The following DDX25 variants were observed in gnomAD, a reference collection of about 807,000 sequenced individuals.
The protein encoded by DDX25 is DEAD-box helicase 25, also known as ATP-dependent RNA helicase DDX25.
A neutral mutation model predicts 64.6 loss-of-function variants in DDX25; 70 were observed. That is an observed-to-expected ratio of 1.08 (90% CI 0.89 to 1.32). The LOEUF (loss-of-function observed/expected upper bound fraction) is 1.32. DDX25 is among the 40% of genes most tolerant of loss of function. The probability of loss-of-function intolerance (pLI) is 0.00; values close to 1 mark genes in which losing one functional copy is unlikely to be tolerated. For synonymous variants in DDX25, 211 were observed against 213.3 expected (o/e 0.99, Z 0.09); for missense variants, 587 against 604.4 (o/e 0.97, Z 0.30).
chr11:125,912,611 A>T (rs1359502141), intron 8 of DDX25, among the ~76,000 whole-genome samples: 1 of 152,172 alleles, frequency 6.6e-6, no homozygotes, highest in Admixed American at 6.5e-5. Flanking sequence ...TACAAGCACA[A>T]TTTTTTCCAA....
chr11:125,918,975 C>T (rs976112419), intron 10 of DDX25, among the ~76,000 whole-genome samples, 185 bp downstream of exon 10: 1 of 152,180 alleles, frequency 6.6e-6, no homozygotes, highest in African/African-American at 2.4e-5. Flanking sequence ...CCCTTTCCAT[C>T]CCATGGCCCC....
chr11:125,904,298 GCCCTCCGCCCCGCTCTC>G, upstream of DDX25: 1 of 371,186 alleles, frequency 2.7e-6, no homozygotes, highest in Non-Finnish European at 4.8e-6. Context: ...CCCGCTCTCT[GCCCTCCGCCCCGCTCTC>G]TGCCCCCCGC....
intron 4 of DDX25, among the ~76,000 whole-genome samples, chr11:125,906,840 A>AAG (rs71048755): frequency 6.6e-6 from 1 of 150,780 alleles, no homozygotes; most frequent in African/African-American, 2.4e-5. Flanking sequence ...AAAAAAAAAA[A>AAG]GGATATTCTA....
chr11:125,922,974 G>T lies in DDX25; in HGVS notation c.*93G>T. The T allele has an allele frequency of 8.6e-7, 1 of 1,159,144 alleles. No homozygotes were observed. The highest frequency in any genetic ancestry group is 1.6e-5 in the South Asian group (1 of 61,180). 71.8% of individuals were successfully genotyped at this position (1,159,144 alleles called of 1,614,324 possible). A position where few individuals can be genotyped will look rare whatever the true frequency, so the allele number is the denominator to read the frequency against. On this transcript the variant is annotated 3_prime_UTR_variant, in exon 12 of 12. Transcript: ENST00000263576. ...AATTTTTTTATGTTGAGGCTTTTTC[G>T]ACGTGAAACTGTCACAGATGGCAAA... is the stretch of plus-strand genomic sequence containing the variant.
At position 125,904,577 on chromosome 11, in the gene DDX25, C is replaced by G; in HGVS notation, c.60C>G (p.Ser20Arg). The G allele has an allele frequency of 6.7e-7, 1 of 1,488,004 alleles. No individual in the cohort carries two copies. The allele number at this position is 1,488,004 out of a possible 1,614,324, so 92.2% of individuals were successfully genotyped here. Residue 20 changes from serine to arginine, a missense_variant, in exon 1 of 12, where the codon AGC becomes AGG. Ser to Arg is a moderately radical substitution (Grantham distance 110). Transcript: ENST00000263576. ...CGGCGGAGAGCGAGCGGCTGAACAGCCACGTAACCGCCACCGAGCCGGGGG... is the reference window on the plus strand; with the variant it reads ...CGGCGGAGAGCGAGCGGCTGAACAGGCACGTAACCGCCACCGAGCCGGGGG... ...AGAAESERLNSHFSNLSQPRK... is the reference protein window; with the variant it reads ...AGAAESERLNRHFSNLSQPRK...
intron 10 of DDX25, among the ~76,000 whole-genome samples, chr11:125,919,728 C>T (rs1177863329): frequency 6.6e-6 from 1 of 151,958 alleles, no homozygotes; most frequent in Non-Finnish European, 1.5e-5. Context: ...GAAAGGTATC[C>T]TGAAAAAAGG....
Position 125,923,029 on chromosome 11 carries a change from A to T in DDX25, c.*148A>T. 1.5e-6 allele frequency: 1 copy of T among 683,232 alleles called. No homozygotes were observed. The highest frequency in any genetic ancestry group is 2.4e-6 in the Non-Finnish European group (1 of 419,076). 42.3% of individuals were successfully genotyped at this position (683,232 alleles called of 1,614,324 possible). Reference sequence around the variant, plus strand: ...ATGTCACGGTACTTAGTTTTAAGACATGAGGTCTTTTTGAAGCCAAATTGA... The same window carrying T: ...ATGTCACGGTACTTAGTTTTAAGACTTGAGGTCTTTTTGAAGCCAAATTGA... On this transcript the variant is annotated 3_prime_UTR_variant, in exon 12 of 12. Transcript: ENST00000263576.
upstream of DDX25, among the ~76,000 whole-genome samples, chr11:125,903,812 A>G (rs1269344736): frequency 6.6e-6 from 1 of 152,158 alleles, no homozygotes; most frequent in African/African-American, 2.4e-5. Context: ...TTAAATCATT[A>G]GTACCAGGGA....
chr11:125,911,943 A>G (rs1049054799), intron 8 of DDX25, among the ~76,000 whole-genome samples: 1 of 152,190 alleles, frequency 6.6e-6, no homozygotes, highest in African/African-American at 2.4e-5. Context: ...AGGCCTCTCT[A>G]TCAGGATCAC....
intron 8 of DDX25, among the ~76,000 whole-genome samples, chr11:125,913,406 A>C (rs554509343): frequency 6.6e-6 from 1 of 152,244 alleles, no homozygotes; most frequent in South Asian, 2.1e-4. Context: ...CAGCCCTTAC[A>C]TGTCTGAAGA....
At position 125,925,230 on chromosome 11, in the gene DDX25, A is replaced by C. The variant is rs1413721009; in HGVS notation, c.*2349A>C. The C allele has an allele frequency of 2.8e-6, 1 of 353,574 alleles. No homozygotes were observed. Among genetic ancestry groups the C allele is most frequent in the African/African-American group, 2.1e-5 (1 of 46,868 alleles). The allele number at this position is 353,574 out of a possible 1,614,324, so 21.9% of individuals were successfully genotyped here. On this transcript the variant is annotated 3_prime_UTR_variant, in exon 12 of 12. Transcript: ENST00000263576. Reference sequence around the variant, plus strand: ...TTCCTTTACAGTTCAAATCTCTGGTAAGATCTCCGCCAGTTACCCTCACAA... The same window carrying C: ...TTCCTTTACAGTTCAAATCTCTGGTCAGATCTCCGCCAGTTACCCTCACAA...
chr11:125,920,202 C>T (rs1278071582), intron 10 of DDX25, among the ~76,000 whole-genome samples: 7 of 152,102 alleles, frequency 4.6e-5, no homozygotes, highest in East Asian at 1.9e-4. Context: ...TTTGGGAGGC[C>T]GAGGCGGGTG....
At chr11:125,906,051 CTT>C in intron 3 of DDX25, 21 bp from the exon 4 acceptor site, 1 of 1,529,338 alleles carries the variant, frequency 6.5e-7, no homozygotes, top group East Asian at 2.5e-5. Flanking sequence ...TTGATGTCCT[CTT>C]TTTTATTTTT....
rs499519 is a variant in DDX25, at chr11:125,923,794, G to A, written c.*913G>A. On this transcript the variant is annotated 3_prime_UTR_variant, in exon 12 of 12. Transcript: ENST00000263576. ...GGAGAGTCCCCCAGAAAGCCGGAGC[G>A]GATCTTGTAACCAGAGCGCCGGTAC... The A allele has an allele frequency of 0.18, 27,407 of 152,054 alleles. 2,643 individuals are homozygous for A. Among genetic ancestry groups the A allele is most frequent in the Admixed American group, 0.26 (4,032 of 15,296 alleles). The allele number at this position is 152,054 out of a possible 1,614,324, so 9.4% of individuals were successfully genotyped here.
intron 1 of DDX25, 30 bp downstream of exon 1, chr11:125,904,610 C>A: frequency 7.0e-7 from 1 of 1,433,506 alleles, no homozygotes. Context: ...GGGGCCACAG[C>A]CGCGGGGGTG....
chr11:125,905,108 C>G, intron 1 of DDX25, 104 bp from the exon 2 acceptor site: 2 of 1,018,816 alleles, frequency 2.0e-6, no homozygotes. Flanking sequence ...AAGCAATACC[C>G]GGGTGTCCTT....
Position 125,905,242 on chromosome 11 carries a change from C to G in DDX25, c.94C>G (p.Leu32Val), listed in dbSNP as rs1169910828. The change falls in exon 2 of 12, where the codon CTT (leucine) becomes GTT (valine). Residue 32 changes from leucine to valine, a missense_variant. Physicochemically the swap from Leu to Val is conservative, Grantham distance 32. Transcript: ENST00000263576. ...FSNLSQPRKN[L>V]WGIKSTAVRN... ...AAACCTCAGCCAACCCCGGAAGAAC[C>G]TTTGGGGTATTAAGAGTACTGCAGT... The G allele has an allele frequency of 6.4e-7, 1 of 1,551,638 alleles. No homozygotes were observed. The highest frequency in any genetic ancestry group is 1.2e-5 in the South Asian group (1 of 84,038).
chr11:125,910,191 A>AT (rs1394434174), intron 6 of DDX25, among the ~76,000 whole-genome samples, 173 bp from the exon 7 acceptor site: 2 of 152,124 alleles, frequency 1.3e-5, no homozygotes, highest in Non-Finnish European at 2.9e-5. Flanking sequence ...CATACTCAAC[A>AT]TTCACCTCAA....
Position 125,923,034 on chromosome 11 carries a change from G to T in DDX25, c.*153G>T. On this transcript the variant is annotated 3_prime_UTR_variant, in exon 12 of 12. Transcript: ENST00000263576. ...ACGGTACTTAGTTTTAAGACATGAG[G>T]TCTTTTTGAAGCCAAATTGATGTGA... is the stretch of plus-strand genomic sequence containing the variant. 1.5e-6 allele frequency: 1 copy of T among 654,978 alleles called. No homozygotes were observed. Among genetic ancestry groups the T allele is most frequent in the Non-Finnish European group, 2.5e-6 (1 of 396,898 alleles). The allele number at this position is 654,978 out of a possible 1,614,324, so 40.6% of individuals were successfully genotyped here.
Sources: allele counts gnomAD v4.1 joint callset (sites outside exome capture counted in the v4.1 genomes callset), GRCh38; gene constraint gnomAD v4.1.1; transcripts MANE v1.5; gene names NCBI Gene and HGNC (gene_info 2026-07-23, HGNC 2026-07-21).